Variants in WDCP observed in about 807,000 individuals in gnomAD.
WDCP encodes the protein WD repeat and coiled coil containing, also known as WD repeat and coiled-coil-containing protein.
In WDCP, 19 loss-of-function variants were observed where a neutral mutation model predicts 41.6. The observed-to-expected ratio is 0.46, with a 90% CI of 0.32 to 0.67. WDCP has a LOEUF of 0.67. Ranked by LOEUF, WDCP falls within the 30% of genes least tolerant of loss-of-function variation. The pLI is 0.04. For missense variants in WDCP, 802 were observed against 850.7 expected (o/e 0.94, Z 0.71); for synonymous variants, 302 against 320.8 (o/e 0.94, Z 0.63).
chr2:24,042,832 G>A (rs544099271), intron 1 of WDCP, among the ~76,000 whole-genome samples: 8 of 151,756 alleles, frequency 5.3e-5, no homozygotes, highest in Middle Eastern at 3.4e-3. Flanking sequence ...TCAGGAGTTC[G>A]AGACCAGCCT....
chr2:24,046,952 G>A (rs890418234), intron 1 of WDCP, among the ~76,000 whole-genome samples: 2 of 152,104 alleles, frequency 1.3e-5, no homozygotes, highest in Non-Finnish European at 2.9e-5. Context: ...TCAGTGAAGT[G>A]ACATAATGTA....
intron 1 of WDCP, among the ~76,000 whole-genome samples, chr2:24,044,849 G>A (rs554279203): frequency 9.4e-5 from 14 of 149,102 alleles, no homozygotes; most frequent in South Asian, 4.2e-4. Flanking sequence ...AAAGCACAGC[G>A]GTGATCATTT....
At chr2:24,033,338 C>A in intron 2 of WDCP, 1 of 301,052 alleles carries the variant, frequency 3.3e-6, no homozygotes, top group Non-Finnish European at 6.7e-6. Flanking sequence ...GAGAGAGTGT[C>A]CTAAGTGGTA....
At position 24,037,724 on chromosome 2, in the gene WDCP, C is replaced by T. The variant is rs762848759; in HGVS notation, c.1771G>A (p.Val591Met). The T allele has an allele frequency of 6.2e-7, 1 of 1,614,130 alleles. No individual in the cohort carries two copies. Among genetic ancestry groups the T allele is most frequent in the South Asian group, 1.1e-5 (1 of 91,074 alleles). Residue 591 changes from valine to methionine, a missense_variant, in exon 2 of 4, where the codon GTG becomes ATG. Val to Met is a conservative substitution (Grantham distance 21, BLOSUM62 1). Transcript: ENST00000295148. ...RLHNGKKSSSVYPLSQDLPYV... is the reference protein window; with the variant it reads ...RLHNGKKSSSMYPLSQDLPYV... ...GGAAGATCTTGAGAGAGTGGATACACTGAAGAGGATTTCTTCCCATTATGC... is the reference window on the plus strand; with the variant it reads ...GGAAGATCTTGAGAGAGTGGATACATTGAAGAGGATTTCTTCCCATTATGC...
chr2:24,032,047 A>G (rs373377615), intron 3 of WDCP, among the ~76,000 whole-genome samples: 26 of 152,292 alleles, frequency 1.7e-4, no homozygotes, highest in African/African-American at 5.8e-4. Context: ...TGGCACCTAT[A>G]CTAGGCCTGG....
chr2:24,046,415 T>G (rs1573672158), intron 1 of WDCP, among the ~76,000 whole-genome samples: 1 of 152,112 alleles, frequency 6.6e-6, no homozygotes, highest in African/African-American at 2.4e-5. Context: ...AGAGTATAAG[T>G]TTTTTGGAGA....
rs769639215 is a variant in WDCP at position 24,038,288 on chromosome 2, C to T, written c.1207G>A (p.Val403Ile). 3 of 1,614,036 alleles carry T rather than the reference C, an allele frequency of 1.9e-6. No individual in the cohort carries two copies. Among genetic ancestry groups the T allele is most frequent in the Non-Finnish European group, 2.5e-6 (3 of 1,180,032 alleles). ...GTATCAGTGAGTTTTTGTTTTCCTACCAAAATTAGTAATAGTTGGTCTGTC... is the reference window on the plus strand; with the variant it reads ...GTATCAGTGAGTTTTTGTTTTCCTATCAAAATTAGTAATAGTTGGTCTGTC... ...FLTDQLLLIL[V>I]GKQKLTDTTF... Residue 403 changes from valine to isoleucine, a missense_variant, in exon 2 of 4, where the codon GTA (valine) becomes ATA (isoleucine). This residue lies in a region of WDCP where 247 missense variants were observed against 240.5 expected (regional missense o/e 1.03). Transcript: ENST00000295148.
chr2:24,039,761 G>A (rs1467045597), intron 1 of WDCP, among the ~76,000 whole-genome samples: 1 of 152,092 alleles, frequency 6.6e-6, no homozygotes, highest in African/African-American at 2.4e-5. Flanking sequence ...ATCTGAGTAT[G>A]GAATGGATAT....
In WDCP at chr2:24,031,156, T is replaced by C. The variant is rs760437055; in HGVS notation, c.1943A>G (p.His648Arg). The change falls in exon 4 of 4, where the codon CAC becomes CGC. Residue 648 changes from histidine (H) to arginine (R), a missense_variant. By Grantham distance (29) the His-to-Arg change is conservative. This residue lies in a region of WDCP where 321 missense variants were observed against 305.1 expected (regional missense o/e 1.05). Coordinates refer to ENST00000295148, the MANE Select transcript of WDCP (RefSeq NM_025203.3). ...ACTGTCAGCAGAGAGAAGAATCCAG[T>C]GGGAATCTGCAAATAAAAATAAATA... The part of the protein sequence containing the change: ...LSLIEMLHDS[H>R]WILLSADSEG... 3.7e-5 allele frequency: 60 copies of C among 1,608,924 alleles called. No homozygotes were observed. The highest frequency in any genetic ancestry group is 4.7e-5 in the Non-Finnish European group (55 of 1,176,374).
chr2:24,040,683 C>A (rs987743222), intron 1 of WDCP, among the ~76,000 whole-genome samples: 3 of 151,994 alleles, frequency 2.0e-5, no homozygotes, highest in South Asian at 2.1e-4. Context: ...ATTTTTTCAC[C>A]CTGAATATTT....
rs1663353769 is a variant in WDCP at position 24,039,346 on chromosome 2, T to G, written c.149A>C (p.Asp50Ala). Residue 50 changes from aspartate (D) to alanine (A), a missense_variant, in exon 2 of 4, where the codon GAC (aspartate) becomes GCC (alanine). By Grantham distance (126) the Asp-to-Ala change is moderately radical (BLOSUM62 -2). This residue lies in a region of WDCP where 214 missense variants were observed against 252.9 expected (regional missense o/e 0.85). Coordinates refer to ENST00000295148, the MANE Select transcript of WDCP (RefSeq NM_025203.3). The stretch of plus-strand genomic sequence containing the variant: ...TTCAAACTGTCCAATGACTTTGGAG[T>G]CCCCAAACTTGACCTCTCCACTGTG... ...RLHSGEVKFGDSKVIGQFECV... is the reference protein window; with the variant it reads ...RLHSGEVKFGASKVIGQFECV... 1 of 1,614,006 alleles carries G rather than the reference T, an allele frequency of 6.2e-7. No individual in the cohort carries two copies. Among genetic ancestry groups the G allele is most frequent in the Non-Finnish European group, 8.5e-7 (1 of 1,180,038 alleles).
chr2:24,037,958 G>C lies in WDCP; in HGVS notation c.1537C>G (p.Leu513Val). The part of the protein sequence containing the change: ...LSSICDGSIA[L>V]DAEPVTQPAS... Reference sequence around the variant, plus strand: ...GGCTGGGTAACAGGCTCAGCATCTAGAGCTATGGAGCCATCACAGATACTA... The same window carrying C: ...GGCTGGGTAACAGGCTCAGCATCTACAGCTATGGAGCCATCACAGATACTA... The change falls in exon 2 of 4, where the codon CTA (leucine) becomes GTA (valine). Residue 513 changes from leucine to valine, a missense_variant. Coordinates refer to ENST00000295148, the MANE Select transcript of WDCP (RefSeq NM_025203.3). 6.2e-7 allele frequency: 1 copy of C among 1,614,166 alleles called. No homozygotes were observed. The highest frequency in any genetic ancestry group is 8.5e-7 in the Non-Finnish European group (1 of 1,180,026).
chr2:24,035,457 T>A (rs995131089), intron 2 of WDCP, among the ~76,000 whole-genome samples: 3 of 152,126 alleles, frequency 2.0e-5, no homozygotes, highest in African/African-American at 7.2e-5. Flanking sequence ...TAAGAGTTCT[T>A]GGTATACAGT....
At chr2:24,033,207 T>C (rs1234816425) in intron 2 of WDCP, 1 of 557,106 alleles carries the variant, frequency 1.8e-6, no homozygotes, top group Non-Finnish European at 3.5e-6. Context: ...AGAATACAAC[T>C]AATAACACTA....
Position 24,039,389 on chromosome 2 carries a change from G to C in WDCP, c.106C>G (p.Leu36Val), listed in dbSNP as rs760604404. 2.4e-5 allele frequency: 38 copies of C among 1,614,128 alleles called. No individual in the cohort carries two copies. The highest frequency in any genetic ancestry group is 3.1e-5 in the Non-Finnish European group (37 of 1,180,058). Residue 36 changes from leucine to valine, a missense_variant, in exon 2 of 4, where the codon CTA (leucine) becomes GTA (valine). This residue lies in a region of WDCP where 214 missense variants were observed against 252.9 expected (regional missense o/e 0.85). Coordinates refer to ENST00000295148, the MANE Select transcript of WDCP (RefSeq NM_025203.3). The part of the protein sequence containing the change: ...LAWTDGNQVV[L>V]TDLRLHSGEV... ...CCACTGTGAAGCCGCAAATCAGTTA[G>C]GACAACTTGATTCCCATCGGTCCAG...
In WDCP at chr2:24,039,290, C is replaced by T. The variant is rs1323681618; in HGVS notation, c.205G>A (p.Val69Ile). 6.2e-7 allele frequency: 1 copy of T among 1,614,252 alleles called. No individual in the cohort carries two copies. Among genetic ancestry groups the T allele is most frequent in the Non-Finnish European group, 8.5e-7 (1 of 1,180,048 alleles). The change falls in exon 2 of 4, where the codon GTT becomes ATT. Residue 69 changes from valine to isoleucine, a missense_variant. Physicochemically the swap from Val to Ile is conservative, Grantham distance 29. Transcript: ENST00000295148. ...AGTAGAACAGGTGTATCATCTGCAA[C>T]AGGTGGGGCCCAGGACAACCCACAG... ...CVCGLSWAPP[V>I]ADDTPVLLAV...
intron 1 of WDCP, chr2:24,045,794 G>A (rs1663605241): frequency 6.6e-6 from 1 of 151,974 alleles, no homozygotes; most frequent in African/African-American, 2.4e-5. Context: ...GCAACACAGG[G>A]AGACCCCAAT....
At chr2:24,037,177 C>T (rs1663281830) in intron 2 of WDCP, among the ~76,000 whole-genome samples, 2 of 152,194 alleles carry the variant, frequency 1.3e-5, no homozygotes, top group African/African-American at 4.8e-5. Flanking sequence ...CGCCCATCAC[C>T]ATGCCCAGCT....
intron 1 of WDCP, among the ~76,000 whole-genome samples, chr2:24,041,858 C>T: frequency 1.1e-5 from 1 of 93,226 alleles, no homozygotes; most frequent in East Asian, 3.4e-4. Context: ...AACTCTGTCT[C>T]AAAAAAAAAA....
Sources: gnomAD v4.1 joint callset for allele counts (sites outside exome capture counted in the v4.1 genomes callset) on GRCh38, gnomAD v4.1.1 for gene constraint, gnomAD v4.1.1 regional missense constraint, MANE v1.5 for transcripts, NCBI Gene and HGNC (gene_info 2026-07-23, HGNC 2026-07-21) for gene names.